Variants in STXBP5L observed in about 807,000 individuals in gnomAD.
STXBP5L encodes the protein syntaxin binding protein 5L.
STXBP5L carries 65 observed loss-of-function variants against 144.5 expected under a neutral mutation model. The observed-to-expected ratio is 0.45, with a 90% confidence interval of 0.37 to 0.55. STXBP5L has a LOEUF of 0.55. Ranked by LOEUF, STXBP5L falls within the 20% of genes least tolerant of loss-of-function variation. The pLI, the probability that STXBP5L is intolerant of heterozygous loss-of-function variation, is 0.00. For missense variants in STXBP5L, 1,298 were observed against 1,405.5 expected, an observed-to-expected ratio of 0.92 and a Z score of 1.22; for synonymous variants, 505 against 469.6, an observed-to-expected ratio of 1.08 and a Z score of -0.97.
chr3:121,199,505 C>T (rs543730617), intron 9 of STXBP5L, among the ~76,000 whole-genome samples: 1 of 152,286 alleles, frequency 6.6e-6, no homozygotes, highest in Non-Finnish European at 1.5e-5. Context: ...CTGGCCAGAA[C>T]TTCTAATACT....
chr3:121,314,795 AC>A (rs2043721758), intron 19 of STXBP5L, among the ~76,000 whole-genome samples: 1 of 152,226 alleles, frequency 6.6e-6, no homozygotes, highest in South Asian at 2.1e-4. Context: ...CAAGAAAAAA[AC>A]AAACAACCCC....
intron 3 of STXBP5L, among the ~76,000 whole-genome samples, chr3:120,973,695 C>G (rs530198723): frequency 2.0e-5 from 3 of 147,798 alleles, no homozygotes; most frequent in Non-Finnish European, 4.5e-5. Context: ...CCTCCCCCAT[C>G]CCCCCACCCC....
At chr3:121,339,201 C>T (rs1291948490) in intron 20 of STXBP5L, among the ~76,000 whole-genome samples, 1 of 152,056 alleles carries the variant, frequency 6.6e-6, no homozygotes, top group Admixed American at 6.6e-5. Context: ...CCCAACAGCA[C>T]ATCAAAAAGG....
At chr3:121,195,476 C>A (rs2047885357) in intron 9 of STXBP5L, among the ~76,000 whole-genome samples, 1 of 152,164 alleles carries the variant, frequency 6.6e-6, no homozygotes, top group Non-Finnish European at 1.5e-5. Flanking sequence ...ATTCTACTTT[C>A]TCTAAGTGTA....
chr3:121,128,264 C>T (rs1440424637), intron 7 of STXBP5L, among the ~76,000 whole-genome samples: 1 of 151,810 alleles, frequency 6.6e-6, no homozygotes, highest in Non-Finnish European at 1.5e-5. Flanking sequence ...AATTTGCTGG[C>T]ATGGCTCCTT....
At position 121,006,123 on chromosome 3, in the gene STXBP5L, CGTT is replaced by C. The variant is rs571675315; in HGVS notation, c.288-35573_288-35571del. On this transcript the variant is annotated intron_variant, in intron 3 of 26. Transcript: ENST00000471454. ...GGGTATCCTTGTTAACTTTCTGTCT[CGTT>C]GTTCTGTCTAATGTTGACAGTGGGG... Among the ~76,000 whole-genome samples, 699 of 152,148 alleles carry C rather than the reference CGTT, an allele frequency of 4.6e-3. 6 individuals are homozygous for C. The highest frequency in any genetic ancestry group is 0.016 in the African/African-American group (660 of 41,490).
chr3:121,050,926 G>T (rs374182156), intron 5 of STXBP5L, among the ~76,000 whole-genome samples: 1 of 152,068 alleles, frequency 6.6e-6, no homozygotes, highest in Non-Finnish European at 1.5e-5. Context: ...AAAAGCAGGG[G>T]TTGCAATCCT....
chr3:121,329,025 T>C (rs570006818), intron 20 of STXBP5L, among the ~76,000 whole-genome samples: 44 of 152,064 alleles, frequency 2.9e-4, no homozygotes, highest in East Asian at 1.9e-4. Flanking sequence ...TACACACATA[T>C]ATATAATGCA....
chr3:121,276,921 AT>A (rs1296421512), intron 18 of STXBP5L, among the ~76,000 whole-genome samples: 2 of 151,516 alleles, frequency 1.3e-5, no homozygotes, highest in Non-Finnish European at 2.9e-5. Flanking sequence ...ATTGGCTATC[AT>A]TTTTTCAAAT....
chr3:121,073,006 C>A (rs886845919), intron 5 of STXBP5L, among the ~76,000 whole-genome samples: 3 of 152,208 alleles, frequency 2.0e-5, no homozygotes, highest in Non-Finnish European at 2.9e-5. Context: ...GGCCAAAGTT[C>A]CGACTGGCAG....
At chr3:121,322,461 A>G (rs2044002928) in intron 20 of STXBP5L, among the ~76,000 whole-genome samples, 1 of 141,570 alleles carries the variant, frequency 7.1e-6, no homozygotes, top group African/African-American at 2.7e-5. Context: ...CTGGGCAACA[A>G]GAGCGAAACT....
At chr3:120,933,168 C>A (rs1710054896) in intron 2 of STXBP5L, among the ~76,000 whole-genome samples, 1 of 151,890 alleles carries the variant, frequency 6.6e-6, no homozygotes, top group African/African-American at 2.4e-5. Context: ...GCACATTGTG[C>A]ACAGGTACCC....
At chr3:121,285,639 G>T (rs1253018144) in intron 19 of STXBP5L, among the ~76,000 whole-genome samples, 1 of 152,050 alleles carries the variant, frequency 6.6e-6, no homozygotes, top group African/African-American at 2.4e-5. Flanking sequence ...TACAGATTAT[G>T]ATTTTTAGAA....
At chr3:121,399,863 G>A (rs370364991) in intron 22 of STXBP5L, among the ~76,000 whole-genome samples, 37 of 152,182 alleles carry the variant, frequency 2.4e-4, no homozygotes, top group African/African-American at 8.9e-4. Context: ...ATTTTGGGGG[G>A]CCTGTTTCCA....
At chr3:121,055,115 T>C (rs1948356801) in intron 5 of STXBP5L, among the ~76,000 whole-genome samples, 1 of 152,184 alleles carries the variant, frequency 6.6e-6, no homozygotes, top group African/African-American at 2.4e-5. Flanking sequence ...GAAAATGTTT[T>C]AATGCTTACA....
intron 3 of STXBP5L, among the ~76,000 whole-genome samples, chr3:121,040,441 AC>A (rs1424859708): frequency 3.3e-5 from 5 of 152,072 alleles, no homozygotes; most frequent in Non-Finnish European, 5.9e-5. Context: ...CTCAACATAA[AC>A]TTTATTTTTG....
chr3:121,413,898 A>G (rs1168080455), intron 24 of STXBP5L, among the ~76,000 whole-genome samples: 1 of 152,178 alleles, frequency 6.6e-6, no homozygotes, highest in Non-Finnish European at 1.5e-5. Flanking sequence ...TAAGAAAACT[A>G]AAACATATTT....
chr3:121,178,610 A>T (rs1452767652), intron 9 of STXBP5L, among the ~76,000 whole-genome samples: 1 of 152,192 alleles, frequency 6.6e-6, no homozygotes, highest in Non-Finnish European at 1.5e-5. Context: ...AGAGTGTGAG[A>T]TGGGGAGAAT....
intron 3 of STXBP5L, among the ~76,000 whole-genome samples, chr3:120,979,407 A>T (rs935322237): frequency 6.6e-6 from 1 of 152,196 alleles, no homozygotes; most frequent in East Asian, 1.9e-4. Context: ...GGAAAAGCGC[A>T]GTATTAGGGT....
Sources: allele counts gnomAD v4.1 joint callset (sites outside exome capture counted in the v4.1 genomes callset), GRCh38; gene constraint gnomAD v4.1.1; transcripts MANE v1.5; gene names NCBI Gene and HGNC (gene_info 2026-07-23, HGNC 2026-07-21).